Variants in CHD8 observed in about 807,000 individuals in gnomAD.
CHD8 encodes the protein chromodomain helicase DNA binding protein 8, also known as ATP-dependent chromatin remodeler CHD8.
A neutral mutation model predicts 279.2 loss-of-function variants in CHD8; 31 were observed. The ratio of observed to expected loss-of-function variants is 0.11; its 90% CI spans 0.08 to 0.15. The LOEUF is 0.15. CHD8 is among the 10% of genes least tolerant of loss of function. The probability of loss-of-function intolerance (pLI) is 1.00; values close to 1 mark genes in which losing one functional copy is unlikely to be tolerated. For missense variants in CHD8, 2,146 were observed against 3,230.5 expected, an observed-to-expected ratio of 0.66 and a Z score of 8.14; for synonymous variants, 1,081 against 1,139.6, an observed-to-expected ratio of 0.95 and a Z score of 1.04.
rs1887705708 is a variant in CHD8, at chr14:21,394,811, C to A, written c.5390+101G>T. 3.2e-6 allele frequency: 4 copies of A among 1,256,994 alleles called. No individual in the cohort carries two copies. In the East Asian group the frequency reaches 9.5e-5, roughly 30 times the overall value. 77.9% of individuals were successfully genotyped at this position (1,256,994 alleles called of 1,614,324 possible). ...ACTACCCAAGGCAGAAAAGATGGTC[C>A]CTCTGTAGAGAATTCCAAATAAATC... On this transcript the variant is annotated intron_variant, in intron 30 of 37. Coordinates refer to ENST00000646647, the MANE Select transcript of CHD8 (RefSeq NM_001170629.2).
At chr14:21,455,780 G>A (rs745538696) in intron 1 of CHD8, among the ~76,000 whole-genome samples, 1 of 151,736 alleles carries the variant, frequency 6.6e-6, no homozygotes, top group African/African-American at 2.4e-5. Flanking sequence ...ACTCCACAGC[G>A]TCCCAAGCAG....
intron 1 of CHD8, chr14:21,437,063 G>A: frequency 2.2e-5 from 17 of 767,860 alleles, no homozygotes; most frequent in Non-Finnish European, 2.7e-5. Flanking sequence ...GGAAGATGCG[G>A]GGGGTGGGGG....
intron 1 of CHD8, among the ~76,000 whole-genome samples, chr14:21,441,802 T>C (rs1388034740): frequency 2.0e-5 from 3 of 152,186 alleles, no homozygotes; most frequent in East Asian, 1.9e-4. Context: ...GGCAGGAGAA[T>C]GGCATGAACC....
intron 26 of CHD8, chr14:21,399,398 T>C: frequency 1.9e-6 from 1 of 538,942 alleles, no homozygotes; most frequent in Non-Finnish European, 3.4e-6. Context: ...ACCTTGAGAT[T>C]TACCTATCCA....
chr14:21,412,286 T>C (rs1037975809), intron 10 of CHD8, among the ~76,000 whole-genome samples: 3 of 151,764 alleles, frequency 2.0e-5, no homozygotes, highest in Admixed American at 6.6e-5. Context: ...GCTGGGACTA[T>C]AGGCACGTGC....
intron 5 of CHD8, among the ~76,000 whole-genome samples, chr14:21,417,890 T>TAC (rs1177325749): frequency 6.9e-6 from 1 of 145,574 alleles, no homozygotes; most frequent in Non-Finnish European, 1.5e-5. Flanking sequence ...ATAATATATA[T>TAC]ATATATACAC....
At chr14:21,410,865 TTTTC>T (rs1390522166) in intron 10 of CHD8, among the ~76,000 whole-genome samples, 3 of 152,188 alleles carry the variant, frequency 2.0e-5, no homozygotes, top group African/African-American at 7.2e-5. Context: ...TCTTTTACCT[TTTTC>T]TTTATCATAG....
intron 7 of CHD8, chr14:21,415,208 A>C: frequency 2.0e-6 from 1 of 510,616 alleles, no homozygotes; most frequent in Non-Finnish European, 3.4e-6. Context: ...TAAAAGAAGC[A>C]CCAGTAAAGC....
Position 21,402,627 on chromosome 14 carries a change from C to G in CHD8, c.3715-124G>C, listed in dbSNP as rs867994111. 1 of 933,614 alleles carries G rather than the reference C, an allele frequency of 1.1e-6. No individual in the cohort carries two copies. Among genetic ancestry groups the G allele is most frequent in the African/African-American group, 1.7e-5 (1 of 59,970 alleles). The allele number at this position is 933,614 out of a possible 1,614,324, so 57.8% of individuals were successfully genotyped here. ...GAGCAGCCATGAGATCAACTCAAAA[C>G]CAAGAGTCAATTTCAAGATGAAATT... On this transcript the variant is annotated intron_variant, in intron 18 of 37. Transcript: ENST00000646647. This position sits in a 1 kb window ranked among gnomAD's most constrained non-coding sequence, Gnocchi z 4.5.
Position 21,401,021 on chromosome 14 carries a change from A to G in CHD8, c.4224T>C (p.Phe1408=), listed in dbSNP as rs1232382904. The G allele has an allele frequency of 1.2e-6, 2 of 1,613,768 alleles. No homozygotes were observed. Among genetic ancestry groups the G allele is most frequent in the Non-Finnish European group, 1.7e-6 (2 of 1,179,800 alleles). ...TPRVRKQTRH[F]STLKDDDLVE... ...CCAGGTCATCATCTTTCAGAGTGCT[A>G]AAGTGGCGCGTTTGTTTTCGTACTC... is the stretch of plus-strand genomic sequence containing the variant. Residue 1408 remains phenylalanine, a synonymous_variant, in exon 22 of 38, where the codon TTT becomes TTC. Transcript: ENST00000646647.
rs1230974579 is a variant in CHD8 at position 21,402,510 on chromosome 14, TA to T, written c.3715-8del. ...GATGACATCGTGCCTGGGCCTGGTT[TA>T]AAATAAAAACGAAAGGAAAGGAGAA... On this transcript the variant is annotated splice_region_variant and splice_polypyrimidine_tract_variant and intron_variant, in intron 18 of 37. Transcript: ENST00000646647. The surrounding 1 kb of genome is among the most constrained non-coding windows in gnomAD (Gnocchi z 4.5). The T allele has an allele frequency of 1.3e-6, 2 of 1,572,586 alleles. No homozygotes were observed. The highest frequency in any genetic ancestry group is 1.4e-5 in the African/African-American group (1 of 73,002).
chr14:21,415,706 ATT>A lies in CHD8; in HGVS notation c.1899+17_1899+18del, dbSNP rs754087467. On this transcript the variant is annotated intron_variant, in intron 6 of 37. Transcript: ENST00000646647. ...ACCAGCAAGGCAATCCTCTGAAATC[ATT>A]TGAGTTTACAGCTTACCACAAAGAA... 7 of 1,613,216 alleles carry A rather than the reference ATT, an allele frequency of 4.3e-6. No homozygotes were observed. The highest frequency in any genetic ancestry group is 1.7e-6 in the Non-Finnish European group (2 of 1,179,612).
chr14:21,440,212 G>GT (rs555562829), intron 1 of CHD8, among the ~76,000 whole-genome samples: 5 of 151,184 alleles, frequency 3.3e-5, no homozygotes, highest in East Asian at 1.9e-4. Flanking sequence ...TTTGTTGCTG[G>GT]TTTTTTTTTC....
intron 1 of CHD8, among the ~76,000 whole-genome samples, chr14:21,448,437 C>T (rs1309282684): frequency 2.0e-5 from 3 of 152,168 alleles, no homozygotes; most frequent in Non-Finnish European, 2.9e-5. Context: ...GATACAAAGA[C>T]GTAAATAAAT....
chr14:21,432,623 T>A lies in CHD8; in HGVS notation c.-215-765A>T, dbSNP rs28522753. On this transcript the variant is annotated intron_variant, in intron 1 of 37. Transcript: ENST00000646647. ...TCCCTTAATGTGATTCCTACCTGTG[T>A]GACTTTGCTTATGATGCTGTGCTTT... 6.4e-3 allele frequency among the ~76,000 whole-genome samples: 973 copies of A among 152,342 alleles called. 12 individuals are homozygous for A. Among genetic ancestry groups the A allele is most frequent in the East Asian group, 0.052 (267 of 5,182 alleles).
chr14:21,417,084 C>T (rs1239928565), intron 5 of CHD8, among the ~76,000 whole-genome samples: 5 of 152,096 alleles, frequency 3.3e-5, no homozygotes, highest in African/African-American at 1.2e-4. Context: ...TATACCAATA[C>T]AAATATAATT....
intron 27 of CHD8, 72 bp from the exon 28 acceptor site, chr14:21,395,964 A>G (rs1263780762): frequency 6.5e-6 from 6 of 930,128 alleles, no homozygotes; most frequent in Non-Finnish European, 1.1e-5. Context: ...TAGGATGAAG[A>G]CCTAGCCACA....
chr14:21,408,185 A>T lies in CHD8; in HGVS notation c.2730+127T>A. The T allele has an allele frequency of 8.5e-7, 1 of 1,173,838 alleles. No homozygotes were observed. The highest frequency in any genetic ancestry group is 1.2e-6 in the Non-Finnish European group (1 of 839,784). 72.7% of individuals were successfully genotyped at this position (1,173,838 alleles called of 1,614,324 possible). On this transcript the variant is annotated intron_variant, in intron 13 of 37. Transcript: ENST00000646647. The surrounding 1 kb of genome is among the most constrained non-coding windows in gnomAD (Gnocchi z 4.3). ...GCTATACAAAAATGCCTTAAACCAT[A>T]GGCATTTTTGCATAGGCATATTGAA...
chr14:21,411,650 G>A (rs889401399), intron 10 of CHD8, among the ~76,000 whole-genome samples: 2 of 151,938 alleles, frequency 1.3e-5, no homozygotes, highest in African/African-American at 4.8e-5. Flanking sequence ...CTACTGGAAG[G>A]AAAAATATAA....
Sources: allele counts gnomAD v4.1 joint callset (sites outside exome capture counted in the v4.1 genomes callset), GRCh38; gene constraint gnomAD v4.1.1; non-coding constraint Gnocchi (gnomAD v3.1); transcripts MANE v1.5; gene names NCBI Gene and HGNC (gene_info 2026-07-23, HGNC 2026-07-21).